Variants in DYSF observed in about 807,000 individuals in gnomAD.
The protein encoded by DYSF is dystrophy-associated fer-1-like 1.
Under a neutral mutation model 274.9 loss-of-function variants are expected in DYSF, and 212 were observed. The ratio of observed to expected loss-of-function variants is 0.77; its 90% CI spans 0.69 to 0.86. The LOEUF is 0.86. Among genes scored for constraint, DYSF ranks in the 40% least tolerant of loss-of-function variants. The pLI is 0.00. For synonymous variants in DYSF, 1,091 were observed against 1,078.7 expected (o/e 1.01, Z -0.22); for missense variants, 2,666 against 2,783.2 (o/e 0.96, Z 0.95).
intron 42 of DYSF, among the ~76,000 whole-genome samples, chr2:71,647,057 AAATGGATAAGAATGTAT>A (rs2094578350): frequency 6.6e-6 from 1 of 152,188 alleles, no homozygotes; most frequent in African/African-American, 2.4e-5. Flanking sequence ...CTTAAAGCAA[AAATGGATAAGAATGTAT>A]AAACTGATAT....
Position 71,568,219 on chromosome 2 carries a change from G to A in DYSF, c.2745G>A (p.Thr915=), listed in dbSNP as rs775337850. Residue 915 remains threonine, a synonymous_variant, in exon 26 of 56, where the codon ACG becomes ACA. Transcript: ENST00000410020. ...KLALVGNWGT[T]GLTYPKFSDV... is the part of the protein sequence containing the mutation. ...CCCTTGTTGGGAACTGGGGCACAAC[G>A]GGCCTCACCTACCCCAAGTTTTCTG... 11 of 1,614,244 alleles carry A rather than the reference G, an allele frequency of 6.8e-6. No homozygotes were observed. The highest frequency in any genetic ancestry group is 2.2e-5 in the East Asian group (1 of 44,882).
chr2:71,549,938 C>G (rs574680992), intron 17 of DYSF, among the ~76,000 whole-genome samples: 1 of 152,076 alleles, frequency 6.6e-6, no homozygotes, highest in Non-Finnish European at 1.5e-5. Flanking sequence ...GGTGGGGAGG[C>G]CCCTGGCTGA....
intron 30 of DYSF, among the ~76,000 whole-genome samples, chr2:71,584,866 A>G (rs1289225256): frequency 6.6e-6 from 1 of 152,218 alleles, no homozygotes; most frequent in Non-Finnish European, 1.5e-5. Flanking sequence ...AGACATTCCA[A>G]ATGGAGAGGA....
At chr2:71,582,346 G>T (rs960950733) in intron 30 of DYSF, among the ~76,000 whole-genome samples, 23 of 152,120 alleles carry the variant, frequency 1.5e-4, no homozygotes, top group Non-Finnish European at 3.1e-4. Context: ...TGTCCACATA[G>T]TATCTCATTT....
At chr2:71,668,897 C>T in intron 49 of DYSF, 55 bp downstream of exon 49, 1 of 1,565,852 alleles carries the variant, frequency 6.4e-7, no homozygotes, top group South Asian at 1.1e-5. Context: ...GGCGTTGCAG[C>T]CTGCTGTGGG....
chr2:71,536,386 G>A (rs1453808945), intron 16 of DYSF, among the ~76,000 whole-genome samples: 7 of 152,218 alleles, frequency 4.6e-5, no homozygotes, highest in Non-Finnish European at 1.0e-4. Context: ...AAAGAGAGCC[G>A]CCAGGAGGGC....
intron 3 of DYSF, among the ~76,000 whole-genome samples, chr2:71,499,850 G>C (rs2084797674): frequency 6.6e-6 from 1 of 152,200 alleles, no homozygotes; most frequent in African/African-American, 2.4e-5. Flanking sequence ...CATGTGGGCT[G>C]CAGGGGGTGT....
Position 71,511,850 on chromosome 2 carries a change from C to G in DYSF, c.389C>G (p.Ala130Gly). The G allele has an allele frequency of 6.4e-7, 1 of 1,551,718 alleles. No homozygotes were observed. The highest frequency in any genetic ancestry group is 8.7e-7 in the Non-Finnish European group (1 of 1,146,994). Residue 130 changes from alanine to glycine, a missense_variant, in exon 5 of 56, where the codon GCT (alanine) becomes GGT (glycine). Around this residue, in one of 3 missense-constraint regions of DYSF, gnomAD observed 794 missense variants for 777.1 expected, o/e 1.02. Coordinates refer to ENST00000410020, the MANE Select transcript of DYSF (RefSeq NM_001130987.2). The stretch of plus-strand genomic sequence containing the variant: ...GTGTCCTACACACCGCTGCCTGGAG[C>G]TGTGCCCCTGTTCCCGCCCCCTACT... ...LQVSYTPLPGAVPLFPPPTPL... is the reference protein window; with the variant it reads ...LQVSYTPLPGGVPLFPPPTPL...
At chr2:71,573,981 C>T (rs1187689121) in intron 29 of DYSF, among the ~76,000 whole-genome samples, 1 of 152,160 alleles carries the variant, frequency 6.6e-6, no homozygotes, top group African/African-American at 2.4e-5. Flanking sequence ...AGCCACCATG[C>T]CTGGCCTCCC....
chr2:71,469,577 G>T (rs1320669191), intron 1 of DYSF, among the ~76,000 whole-genome samples: 1 of 152,130 alleles, frequency 6.6e-6, no homozygotes, highest in East Asian at 1.9e-4. Flanking sequence ...GGCTGGGCTG[G>T]CCCCACTTTC....
intron 14 of DYSF, among the ~76,000 whole-genome samples, chr2:71,534,128 T>A (rs2089051147): frequency 6.6e-6 from 1 of 152,184 alleles, no homozygotes; most frequent in African/African-American, 2.4e-5. Flanking sequence ...GGAGACATCA[T>A]CCTCACCCCT....
Position 71,574,286 on chromosome 2 carries a change from C to G in DYSF, c.3317C>G (p.Ala1106Gly), listed in dbSNP as rs1486623448. ...KFHLEYRKTD[A>G]FRRRRWRRRM... ...CACCTCGAGTACCGCAAGACAGATG[C>G]CTTCCGCCGCCGCCGCTGGCGCCGT... The change falls in exon 30 of 56, where the codon GCC becomes GGC. Residue 1106 changes from alanine to glycine, a missense_variant. By Grantham distance (60) the Ala-to-Gly change is moderately conservative. This residue lies in a region of DYSF where 1,460 missense variants were observed against 1,502.1 expected (regional missense o/e 0.97). Coordinates refer to ENST00000410020, the MANE Select transcript of DYSF (RefSeq NM_001130987.2). 4 of 1,613,944 alleles carry G rather than the reference C, an allele frequency of 2.5e-6. No individual in the cohort carries two copies. Among genetic ancestry groups the G allele is most frequent in the East Asian group, 2.2e-5 (1 of 44,894 alleles).
chr2:71,626,759 C>T (rs1318461707), intron 41 of DYSF, among the ~76,000 whole-genome samples: 2 of 151,748 alleles, frequency 1.3e-5, no homozygotes, highest in Admixed American at 1.3e-4. Flanking sequence ...TGGCATTATC[C>T]GTTGCCTAAA....
chr2:71,519,351 A>C (rs1325481024), intron 10 of DYSF, among the ~76,000 whole-genome samples: 2 of 152,138 alleles, frequency 1.3e-5, no homozygotes, highest in Non-Finnish European at 2.9e-5. Flanking sequence ...TAAGTCAAAA[A>C]ATTATTTTAC....
chr2:71,537,822 C>T (rs1031400877), intron 16 of DYSF, among the ~76,000 whole-genome samples: 4 of 152,128 alleles, frequency 2.6e-5, no homozygotes, highest in Admixed American at 2.6e-4. Context: ...CTGCCCATGG[C>T]TAAGGCACTC....
chr2:71,572,396 C>A (rs2092545719), intron 29 of DYSF, among the ~76,000 whole-genome samples: 1 of 152,186 alleles, frequency 6.6e-6, no homozygotes. Flanking sequence ...TAGACAGACA[C>A]ACTCAGATGC....
chr2:71,574,082 A>C (rs1294210461), intron 29 of DYSF, 116 bp from the exon 30 acceptor site: 8 of 1,299,184 alleles, frequency 6.2e-6, no homozygotes, highest in Non-Finnish European at 8.7e-6. Context: ...GGAGGGCACT[A>C]GTGTGGGAGC....
At chr2:71,453,613 C>G in exon 1 of DYSF, 1 of 339,284 alleles carries the variant, frequency 2.9e-6, no homozygotes, top group Non-Finnish European at 5.8e-6. Flanking sequence ...TAGTCCAGCC[C>G]CCGGCCATCG....
Position 71,503,261 on chromosome 2 carries a change from C to G in DYSF, c.287C>G (p.Pro96Arg), listed in dbSNP as rs774912908. The change falls in exon 4 of 56, where the codon CCT (proline) becomes CGT (arginine). Residue 96 changes from proline (P) to arginine (R), a missense_variant. By Grantham distance (103) the Pro-to-Arg change is moderately radical (BLOSUM62 -2). This residue lies in a region of DYSF where 794 missense variants were observed against 777.1 expected (regional missense o/e 1.02). Coordinates refer to ENST00000410020, the MANE Select transcript of DYSF (RefSeq NM_001130987.2). Reference protein sequence around the residue: ...KVPLREVLATPSLSASFNAPL... With the variant: ...KVPLREVLATRSLSASFNAPL... Reference sequence around the variant, plus strand: ...CCACTCCGAGAGGTCCTCGCCACCCCTAGTCTGTCCGCCAGCTTCAATGCC... The same window carrying G: ...CCACTCCGAGAGGTCCTCGCCACCCGTAGTCTGTCCGCCAGCTTCAATGCC... 3.4e-5 allele frequency: 55 copies of G among 1,614,000 alleles called. No homozygotes were observed. Among genetic ancestry groups the G allele is most frequent in the Non-Finnish European group, 4.7e-5 (55 of 1,180,000 alleles).
Sources: allele counts gnomAD v4.1 joint callset (sites outside exome capture counted in the v4.1 genomes callset), GRCh38; gene constraint gnomAD v4.1.1; regional missense constraint gnomAD v4.1.1; transcripts MANE v1.5; gene names NCBI Gene and HGNC (gene_info 2026-07-23, HGNC 2026-07-21).